The following STK32C variants were observed in gnomAD, a reference collection of about 807,000 sequenced individuals.
The protein encoded by STK32C is serine/threonine-protein kinase 32C.
STK32C carries 31 observed loss-of-function variants against 56.5 expected under a neutral mutation model. The ratio of observed to expected loss-of-function variants is 0.55; its 90% CI spans 0.41 to 0.74. The LOEUF is 0.74. Among genes scored for constraint, STK32C ranks in the 30% least tolerant of loss-of-function variants. The pLI is 0.00. For missense variants in STK32C, 544 were observed against 676.9 expected (o/e 0.80, Z 2.18); for synonymous variants, 309 against 289.4 (o/e 1.07, Z -0.69).
intron 1 of STK32C, among the ~76,000 whole-genome samples, chr10:132,298,789 T>C (rs2138352960): frequency 6.6e-6 from 1 of 152,196 alleles, no homozygotes; most frequent in Middle Eastern, 3.4e-3. Context: ...AGGAGCCACA[T>C]GGGGAAGCTG....
intron 4 of STK32C, among the ~76,000 whole-genome samples, chr10:132,226,200 C>T (rs2062882521): frequency 6.6e-6 from 1 of 152,238 alleles, no homozygotes; most frequent in South Asian, 2.1e-4. Context: ...CATAATCAGA[C>T]ATCCGAGTCC....
rs143109682 is a variant in STK32C at position 132,290,503 on chromosome 10, A to G, written c.262+17069T>C. ...ACTGTGCACATGTGTGTATGCATGCACGCTCATAGGAGAGTGACATCTCCA... is the reference window on the plus strand; with the variant it reads ...ACTGTGCACATGTGTGTATGCATGCGCGCTCATAGGAGAGTGACATCTCCA... On this transcript the variant is annotated intron_variant, in intron 1 of 11. Transcript: ENST00000298630. Among the ~76,000 whole-genome samples the G allele has an allele frequency of 6.2e-3, 938 of 152,334 alleles. 14 individuals are homozygous for G. The highest frequency in any genetic ancestry group is 0.021 in the African/African-American group (883 of 41,580).
At chr10:132,219,946 G>A (rs912408464) in intron 10 of STK32C, among the ~76,000 whole-genome samples, 3 of 152,124 alleles carry the variant, frequency 2.0e-5, no homozygotes, top group African/African-American at 4.8e-5. Flanking sequence ...GGGGCAAGGG[G>A]ACCACCGAGG....
At chr10:132,227,127 C>T (rs1347120884) in intron 3 of STK32C, among the ~76,000 whole-genome samples, 159 bp from the exon 4 acceptor site, 1 of 152,252 alleles carries the variant, frequency 6.6e-6, no homozygotes, top group Non-Finnish European at 1.5e-5. Context: ...ACTGATTGCA[C>T]CCCAGCCCAG....
At chr10:132,245,990 G>C in intron 1 of STK32C, 35 bp from the exon 2 acceptor site, 1 of 1,606,918 alleles carries the variant, frequency 6.2e-7, no homozygotes, top group Non-Finnish European at 8.5e-7. Context: ...CTGGTGAGGT[G>C]GCAGCAAGGC....
chr10:132,287,597 G>A (rs540725523), intron 1 of STK32C, among the ~76,000 whole-genome samples: 16 of 151,708 alleles, frequency 1.1e-4, no homozygotes, highest in Middle Eastern at 3.4e-3. Context: ...GATGACAGAC[G>A]TGCACCACCA....
At chr10:132,280,651 A>ATGATCACCACCCTCCACTCCG (rs2065163623) in intron 1 of STK32C, among the ~76,000 whole-genome samples, 3 of 118,210 alleles carry the variant, frequency 2.5e-5, no homozygotes, top group Non-Finnish European at 5.1e-5. Context: ...ACTCCACTCC[A>ATGATCACCACCCTCCACTCCG]TGATCACCAC....
intron 2 of STK32C, among the ~76,000 whole-genome samples, chr10:132,230,731 C>T (rs1224102531): frequency 3.3e-5 from 5 of 151,514 alleles, no homozygotes; most frequent in East Asian, 3.9e-4. Context: ...CGCCAGCACC[C>T]GCAGCCCAAG....
rs2062152786 is a variant in STK32C at position 132,208,035 on chromosome 10, A to T, written c.1436T>A (p.Ile479Asn). ...ERSALPMCGP[I>N]CPSAGSG The stretch of plus-strand genomic sequence containing the variant: ...CTAGCCGCTCCCGGCCGAGGGGCAA[A>T]TGGGGCCGCACATGGGCAGGGCGGA... Residue 479 changes from isoleucine to asparagine, a missense_variant, in exon 12 of 12, where the codon ATT becomes AAT. Ile to Asn is a moderately radical substitution (Grantham distance 149). This residue lies in a region of STK32C where 277 missense variants were observed against 309.3 expected (regional missense o/e 0.90). Transcript: ENST00000298630. 3.1e-6 allele frequency: 4 copies of T among 1,310,800 alleles called. No homozygotes were observed. The East Asian group carries it at 1.1e-4, about 37-fold the overall frequency. 81.2% of individuals were successfully genotyped at this position (1,310,800 alleles called of 1,614,324 possible).
At position 132,276,763 on chromosome 10, in the gene STK32C, G is replaced by C. The variant is rs532710760; in HGVS notation, c.263-30808C>G. On this transcript the variant is annotated intron_variant, in intron 1 of 11. Transcript: ENST00000298630. ...GATTGTGCCACTGCAGTCCAGCCTG[G>C]TGACAGAGCAAGACCCTGCCTCAAA... Among the ~76,000 whole-genome samples, 187 of 151,926 alleles carry C rather than the reference G, an allele frequency of 1.2e-3. 1 individual carries two copies. Among genetic ancestry groups the C allele is most frequent in the African/African-American group, 4.1e-3 (168 of 41,470 alleles).
chr10:132,222,365 C>A (rs1328751306), intron 10 of STK32C, among the ~76,000 whole-genome samples: 1 of 152,214 alleles, frequency 6.6e-6, no homozygotes, highest in Non-Finnish European at 1.5e-5. Context: ...CAACCAACAC[C>A]AGCACACCTG....
chr10:132,225,078 C>T (rs2062835991), intron 7 of STK32C, among the ~76,000 whole-genome samples, 155 bp downstream of exon 7: 1 of 152,244 alleles, frequency 6.6e-6, no homozygotes, highest in Non-Finnish European at 1.5e-5. Context: ...CATTCCATCA[C>T]CAACTACACA....
At chr10:132,248,543 G>A (rs1413076855) in intron 1 of STK32C, among the ~76,000 whole-genome samples, 1 of 152,252 alleles carries the variant, frequency 6.6e-6, no homozygotes, top group Non-Finnish European at 1.5e-5. Flanking sequence ...TGTGCTCCTT[G>A]CAGCGGCCGG....
At chr10:132,306,777 G>C (rs2066079033) in intron 1 of STK32C, 1 of 152,264 alleles carries the variant, frequency 6.6e-6, no homozygotes, top group Non-Finnish European at 1.5e-5. Context: ...CTGTAGAAAA[G>C]AGCTGTATGT....
chr10:132,256,471 G>A (rs991378090), intron 1 of STK32C, among the ~76,000 whole-genome samples: 2 of 152,192 alleles, frequency 1.3e-5, no homozygotes, highest in African/African-American at 4.8e-5. Flanking sequence ...GACAACACGG[G>A]GATCTGCCAT....
chr10:132,264,126 G>C (rs562563941), intron 1 of STK32C, among the ~76,000 whole-genome samples: 1 of 152,318 alleles, frequency 6.6e-6, no homozygotes, highest in South Asian at 2.1e-4. Flanking sequence ...GTCTCCCTTA[G>C]GGCTGGTGAG....
chr10:132,238,586 G>A (rs943537713), intron 2 of STK32C, among the ~76,000 whole-genome samples: 10 of 152,162 alleles, frequency 6.6e-5, no homozygotes, highest in African/African-American at 2.4e-4. Flanking sequence ...TCATGCAGGG[G>A]ATGTGGGCTC....
chr10:132,252,067 T>A (rs192775694), intron 1 of STK32C, among the ~76,000 whole-genome samples: 1 of 152,324 alleles, frequency 6.6e-6, no homozygotes, highest in Admixed American at 6.5e-5. Context: ...CCCCATCTCA[T>A]CCTGCTGGGC....
chr10:132,321,283 ACCAAGCCCAG>A (rs545661418), downstream of STK32C, among the ~76,000 whole-genome samples: 73 of 152,264 alleles, frequency 4.8e-4, no homozygotes, highest in African/African-American at 1.6e-3. Context: ...GCCAAGACTG[ACCAAGCCCAG>A]CCAAGCCCAG....
Sources: allele counts gnomAD v4.1 joint callset (sites outside exome capture counted in the v4.1 genomes callset), GRCh38; gene constraint gnomAD v4.1.1; regional missense constraint gnomAD v4.1.1; transcripts MANE v1.5; gene names NCBI Gene and HGNC (gene_info 2026-07-23, HGNC 2026-07-21).